The following GRIK4 variants were observed in gnomAD, a reference collection of about 807,000 sequenced individuals.
GRIK4 encodes the protein glutamate ionotropic receptor kainate type subunit 4, also known as glutamate receptor ionotropic, kainate 4.
Under a neutral mutation model 104.9 loss-of-function variants are expected in GRIK4, and 40 were observed. The ratio of observed to expected loss-of-function variants is 0.38; its 90% CI spans 0.30 to 0.50. The LOEUF is 0.50. GRIK4 is among the 20% of genes least tolerant of loss of function. GRIK4 has a pLI of 0.93. For missense variants in GRIK4, 1,047 were observed against 1,308.1 expected (o/e 0.80, Z 3.08); for synonymous variants, 485 against 524.9 (o/e 0.92, Z 1.04).
intron 3 of GRIK4, among the ~76,000 whole-genome samples, chr11:120,734,600 T>C (rs1476830219): frequency 1.3e-5 from 2 of 152,214 alleles, no homozygotes; most frequent in African/African-American, 4.8e-5. Context: ...TTTGGGAAGT[T>C]CTCTGATATT....
chr11:120,607,015 G>A (rs1948971337), intron 1 of GRIK4, among the ~76,000 whole-genome samples: 1 of 152,176 alleles, frequency 6.6e-6, no homozygotes, highest in African/African-American at 2.4e-5. Flanking sequence ...CAAAGGTGAT[G>A]GAATTTGGGT....
chr11:120,802,663 A>C, intron 3 of GRIK4, 30 bp from the exon 4 acceptor site: 2 of 1,597,962 alleles, frequency 1.3e-6, no homozygotes, highest in Non-Finnish European at 1.7e-6. Flanking sequence ...GTGGAGTACC[A>C]ATTGTCTCCA....
chr11:120,644,055 GAGAGGAGA>G (rs1179100313), intron 1 of GRIK4, among the ~76,000 whole-genome samples: 1 of 95,052 alleles, frequency 1.1e-5, no homozygotes, highest in African/African-American at 4.3e-5. Context: ...GAGAGAGAGA[GAGAGGAGA>G]GAGAGAGAGA....
rs117748966 is a variant in GRIK4, at chr11:120,747,117, A to T, written c.83-55576A>T. 1.2e-3 allele frequency among the ~76,000 whole-genome samples: 186 copies of T among 152,304 alleles called. 1 individual carries two copies. The East Asian group carries it at 0.035, about 28-fold the overall frequency. ...GTGCGTGCTGTCGCCAAACTCTCAC[A>T]ATTCAGGCCCACAAACTCAAGCCTT... On this transcript the variant is annotated intron_variant, in intron 3 of 20. Coordinates refer to ENST00000527524, the MANE Select transcript of GRIK4 (RefSeq NM_014619.5).
At chr11:120,954,001 C>CTT in intron 15 of GRIK4, among the ~76,000 whole-genome samples, 1 of 152,266 alleles carries the variant, frequency 6.6e-6, no homozygotes, top group East Asian at 1.9e-4. Context: ...AGTGGGAGGG[C>CTT]AGACAGTGTT....
intron 3 of GRIK4, among the ~76,000 whole-genome samples, chr11:120,733,887 G>A (rs911468572): frequency 5.3e-5 from 8 of 152,004 alleles, no homozygotes; most frequent in East Asian, 1.9e-4. Context: ...ACAGGCACCC[G>A]CCACCGCACC....
intron 11 of GRIK4, among the ~76,000 whole-genome samples, chr11:120,884,325 A>T (rs369549009): frequency 6.6e-6 from 1 of 152,252 alleles, no homozygotes; most frequent in African/African-American, 2.4e-5. Context: ...AGAGATGACT[A>T]TCTATGTATC....
chr11:120,657,762 T>G lies in GRIK4; in HGVS notation c.-50-2507T>G, dbSNP rs556755004. On this transcript the variant is annotated intron_variant, in intron 2 of 20. Coordinates refer to ENST00000527524, the MANE Select transcript of GRIK4 (RefSeq NM_014619.5). Reference sequence around the variant, plus strand: ...CCCTGTGCACAGGAAGTGACAAGGCTCTGCGTGTGGATGAAATGTTGAGTG... The same window carrying G: ...CCCTGTGCACAGGAAGTGACAAGGCGCTGCGTGTGGATGAAATGTTGAGTG... Among the ~76,000 whole-genome samples the G allele has an allele frequency of 7.2e-5, 11 of 152,330 alleles. No individual in the cohort carries two copies. The East Asian group carries it at 2.1e-3, about 29-fold the overall frequency.
At position 120,986,457 on chromosome 11, in the gene GRIK4, C is replaced by A; in HGVS notation, c.*197C>A. On this transcript the variant is annotated 3_prime_UTR_variant, in exon 21 of 21. Coordinates refer to ENST00000527524, the MANE Select transcript of GRIK4 (RefSeq NM_014619.5). ...CGCCCGGTCAGGGAGCAGGGTCCACCCGGAAACGTTGCACCCAAAGGGCAA... is the reference window on the plus strand; with the variant it reads ...CGCCCGGTCAGGGAGCAGGGTCCACACGGAAACGTTGCACCCAAAGGGCAA... The A allele has an allele frequency of 1.4e-6, 1 of 727,132 alleles. No homozygotes were observed. The highest frequency in any genetic ancestry group is 2.1e-6 in the Non-Finnish European group (1 of 481,256). 45.0% of individuals were successfully genotyped at this position (727,132 alleles called of 1,614,324 possible).
chr11:120,693,987 A>AT (rs1950404306), intron 3 of GRIK4, among the ~76,000 whole-genome samples: 1 of 152,186 alleles, frequency 6.6e-6, no homozygotes, highest in Non-Finnish European at 1.5e-5. Flanking sequence ...ATTGCCTTTC[A>AT]TTCCCTCCTG....
At chr11:120,937,024 A>G (rs1000008996) in intron 13 of GRIK4, among the ~76,000 whole-genome samples, 6 of 152,064 alleles carry the variant, frequency 3.9e-5, no homozygotes, top group African/African-American at 1.4e-4. Context: ...AGGCTGCTTT[A>G]TAGCATAATG....
intron 3 of GRIK4, among the ~76,000 whole-genome samples, chr11:120,757,620 A>G (rs1045609729): frequency 3.0e-4 from 46 of 152,326 alleles, no homozygotes; most frequent in Middle Eastern, 3.4e-3. Context: ...AATCTCTTCC[A>G]GACCCCTATA....
intron 11 of GRIK4, 123 bp from the exon 12 acceptor site, chr11:120,898,409 C>T (rs1942641666): frequency 6.1e-6 from 4 of 653,828 alleles, no homozygotes; most frequent in African/African-American, 1.8e-5. Flanking sequence ...CAGCCCCCGG[C>T]TCCGTACTCC....
At chr11:120,792,663 C>A (rs1182476449) in intron 3 of GRIK4, among the ~76,000 whole-genome samples, 1 of 151,986 alleles carries the variant, frequency 6.6e-6, no homozygotes, top group Non-Finnish European at 1.5e-5. Context: ...TTGGAAGGTG[C>A]GGAATTGGGT....
At chr11:120,982,572 C>A (rs545180271) in intron 20 of GRIK4, among the ~76,000 whole-genome samples, 30 of 152,248 alleles carry the variant, frequency 2.0e-4, no homozygotes, top group Admixed American at 5.2e-4. Context: ...TTTTATCCCC[C>A]TTCTCGGGGA....
At chr11:120,659,511 AG>A (rs1239851917) in intron 2 of GRIK4, among the ~76,000 whole-genome samples, 1 of 152,146 alleles carries the variant, frequency 6.6e-6, no homozygotes, top group Non-Finnish European at 1.5e-5. Context: ...GGGTTGTTAT[AG>A]TACTTTTACA....
chr11:120,885,637 G>A (rs928354627), intron 11 of GRIK4, among the ~76,000 whole-genome samples: 8 of 152,036 alleles, frequency 5.3e-5, no homozygotes, highest in Admixed American at 2.0e-4. Flanking sequence ...TGCCCGCCTC[G>A]GCCTCCCAAA....
intron 3 of GRIK4, among the ~76,000 whole-genome samples, chr11:120,758,130 T>C (rs1951684724): frequency 6.6e-6 from 1 of 152,140 alleles, no homozygotes; most frequent in Non-Finnish European, 1.5e-5. Flanking sequence ...CACACCACTC[T>C]GGAAGCAAGG....
At chr11:120,907,770 G>A (rs560310568) in intron 13 of GRIK4, among the ~76,000 whole-genome samples, 1 of 152,152 alleles carries the variant, frequency 6.6e-6, no homozygotes, top group East Asian at 1.9e-4. Flanking sequence ...CGCACAATGG[G>A]GCTGTAGGGG....
Sources: gnomAD v4.1 joint callset for allele counts (sites outside exome capture counted in the v4.1 genomes callset) on GRCh38, gnomAD v4.1.1 for gene constraint, MANE v1.5 for transcripts, NCBI Gene and HGNC (gene_info 2026-07-23, HGNC 2026-07-21) for gene names.